Variants in GRHL2 observed in about 807,000 individuals in gnomAD.
The protein encoded by GRHL2 is grainyhead-like protein 2 homolog.
Under a neutral mutation model 83.8 loss-of-function variants are expected in GRHL2, and 21 were observed. The observed-to-expected ratio is 0.25, with a 90% CI of 0.18 to 0.36. The LOEUF (loss-of-function observed/expected upper bound fraction) is 0.36. Among genes scored for constraint, GRHL2 ranks in the 10% least tolerant of loss-of-function variants. The pLI is 1.00. For missense variants in GRHL2, 623 were observed against 781.8 expected (o/e 0.80, Z 2.42); for synonymous variants, 280 against 278.9 (o/e 1.00, Z -0.04).
chr8:101,644,125 T>G lies in GRHL2; in HGVS notation c.1518-6T>G. On this transcript the variant is annotated splice_region_variant and splice_polypyrimidine_tract_variant and intron_variant, in intron 12 of 15. Transcript: ENST00000646743. ...TTACTTAAGGATTTCTGCTTATCTT[T>G]TCTAGTGGCAGTGTCCTTGTTAAAC... 1.2e-6 allele frequency: 2 copies of G among 1,613,430 alleles called. No individual in the cohort carries two copies. Among genetic ancestry groups the G allele is most frequent in the East Asian group, 4.5e-5 (2 of 44,862 alleles).
At chr8:101,619,436 T>G in intron 8 of GRHL2, 103 bp from the exon 9 acceptor site, 1 of 927,870 alleles carries the variant, frequency 1.1e-6, no homozygotes, top group Non-Finnish European at 1.8e-6. Flanking sequence ...TCAGTTGTCT[T>G]TATGGGGTTG....
intron 12 of GRHL2, 60 bp downstream of exon 12, chr8:101,636,988 C>T: frequency 6.9e-7 from 1 of 1,448,228 alleles, no homozygotes; most frequent in Non-Finnish European, 9.7e-7. Context: ...GTGGTAATGG[C>T]TCTTCCAGCA....
chr8:101,652,369 GTCTGAT>G lies in GRHL2; in HGVS notation c.1698+2871_1698+2876del, dbSNP rs1194892978. On this transcript the variant is annotated intron_variant, in intron 14 of 15. Coordinates refer to ENST00000646743, the MANE Select transcript of GRHL2 (RefSeq NM_024915.4). The stretch of plus-strand genomic sequence containing the variant: ...TGTGTGGTGTGTGTGGTGTGTGTGT[GTCTGAT>G]GTGTGTGTGGTGTGTGTGTGTGTCT... 3.3e-3 allele frequency among the ~76,000 whole-genome samples: 209 copies of G among 63,418 alleles called. 1 individual carries two copies. Among genetic ancestry groups the G allele is most frequent in the Middle Eastern group, 0.018 (2 of 110 alleles). 41.6% of individuals were successfully genotyped at this position (63,418 alleles called of 152,430 possible). A position where few individuals can be genotyped will look rare whatever the true frequency, so the allele number is the denominator to read the frequency against.
chr8:101,503,253 T>G (rs563521463), intron 1 of GRHL2, among the ~76,000 whole-genome samples: 1 of 152,338 alleles, frequency 6.6e-6, no homozygotes, highest in South Asian at 2.1e-4. Context: ...TGTATACTTT[T>G]AAGAATATGT....
intron 1 of GRHL2, among the ~76,000 whole-genome samples, chr8:101,522,721 T>TTATACATATACATATATATATACA (rs1554582878): frequency 9.4e-5 from 14 of 149,612 alleles, no homozygotes; most frequent in African/African-American, 3.5e-4. Flanking sequence ...ACAAGTATGT[T>TTATACATATACATATATATATACA]TATACATATA....
chr8:101,672,635 A>G (rs1814228962), downstream of GRHL2, among the ~76,000 whole-genome samples: 2 of 150,722 alleles, frequency 1.3e-5, 1 homozygote, highest in South Asian at 4.2e-4. Flanking sequence ...ACTCTGCAGG[A>G]TATTATCCAG....
chr8:101,541,559 T>A (rs1456818798), intron 1 of GRHL2, among the ~76,000 whole-genome samples: 1 of 152,074 alleles, frequency 6.6e-6, no homozygotes, highest in East Asian at 1.9e-4. Flanking sequence ...TTTCTATTGA[T>A]TGATGTTGGT....
chr8:101,680,531 A>C, the GRHL2 span, among the ~76,000 whole-genome samples: 3 of 124,734 alleles, frequency 2.4e-5, no homozygotes, highest in Non-Finnish European at 3.3e-5. Context: ...ACAGAAAGTT[A>C]ACAAGGATAC....
At chr8:101,679,577 T>C in the GRHL2 span, among the ~76,000 whole-genome samples, 29 of 149,858 alleles carry the variant, frequency 1.9e-4, no homozygotes, top group Admixed American at 4.7e-4. Context: ...ACAGAGAACG[T>C]CACAAAGATA....
rs551364604 is a variant in GRHL2 at position 101,662,251 on chromosome 8, T to G, written c.1699-2203T>G. On this transcript the variant is annotated intron_variant, in intron 14 of 15. Transcript: ENST00000646743. ...CCACTGGATGTGTTGTTTTTCATCC[T>G]TGGCTCGTTTGGCTCAGGTGTGACT... 6.6e-5 allele frequency among the ~76,000 whole-genome samples: 10 copies of G among 152,360 alleles called. 1 individual carries two copies. The highest frequency in any genetic ancestry group is 2.6e-4 in the Admixed American group (4 of 15,302).
chr8:101,644,998 C>T (rs1008695348), intron 13 of GRHL2, among the ~76,000 whole-genome samples: 1 of 152,102 alleles, frequency 6.6e-6, no homozygotes, highest in African/African-American at 2.4e-5. Context: ...CAGGCATGCA[C>T]CACCATGTCT....
At chr8:101,604,039 A>G (rs1168080129) in intron 8 of GRHL2, among the ~76,000 whole-genome samples, 1 of 146,246 alleles carries the variant, frequency 6.8e-6, no homozygotes, top group Non-Finnish European at 1.5e-5. Context: ...AAAAAAAGCC[A>G]TAAAACAATG....
chr8:101,526,105 AATCT>A lies in GRHL2; in HGVS notation c.21-17133_21-17130del, dbSNP rs1810798149. Reference sequence around the variant, plus strand: ...GATTCTCACATCTGCCTCTTCATTCAATCTATTACAAAATGTTATTTTGGTTAGA... The same window carrying A: ...GATTCTCACATCTGCCTCTTCATTCAATTACAAAATGTTATTTTGGTTAGA... On this transcript the variant is annotated intron_variant, in intron 1 of 15. Transcript: ENST00000646743. 2.0e-5 allele frequency among the ~76,000 whole-genome samples: 3 copies of A among 152,232 alleles called. 1 individual carries two copies. The highest frequency in any genetic ancestry group is 7.2e-5 in the African/African-American group (3 of 41,456).
Position 101,631,736 on chromosome 8 carries a change from T to C in GRHL2, c.1345+12T>C. The C allele has an allele frequency of 6.2e-7, 1 of 1,604,192 alleles. No homozygotes were observed. The highest frequency in any genetic ancestry group is 1.3e-5 in the African/African-American group (1 of 74,832). On this transcript the variant is annotated intron_variant, in intron 10 of 15. Transcript: ENST00000646743. ...TCAATGCAACAGCTGTGAGTTTCAC[T>C]GAGACTAATGTTGCTTTCTAAAGAC...
chr8:101,578,665 C>T (rs1811983061), intron 7 of GRHL2, among the ~76,000 whole-genome samples: 3 of 152,222 alleles, frequency 2.0e-5, no homozygotes, highest in African/African-American at 4.8e-5. Context: ...TAAGATGCTT[C>T]AGTCCAAATG....
chr8:101,545,386 C>T (rs772854608), intron 2 of GRHL2, among the ~76,000 whole-genome samples: 30 of 132,808 alleles, frequency 2.3e-4, no homozygotes, highest in Admixed American at 9.4e-4. Flanking sequence ...TGCTTTAAGG[C>T]CTAAACTACA....
rs910649321 is a variant in GRHL2, at chr8:101,668,211, G to A, written c.*1508G>A. 3.3e-5 allele frequency: 5 copies of A among 152,610 alleles called. No homozygotes were observed. Among genetic ancestry groups the A allele is most frequent in the African/African-American group, 1.2e-4 (5 of 41,418 alleles). The allele number at this position is 152,610 out of a possible 1,614,324, so 9.5% of individuals were successfully genotyped here. A position where few individuals can be genotyped will look rare whatever the true frequency, so the allele number is the denominator to read the frequency against. On this transcript the variant is annotated 3_prime_UTR_variant, in exon 16 of 16. Transcript: ENST00000646743. ...GTTCTCTTTGAGGGGACAGGTTTAG[G>A]GGTTTGCGTTCGCCCTTGTGGGCTG...
chr8:101,592,409 A>G (rs1041478727), intron 7 of GRHL2, among the ~76,000 whole-genome samples: 19 of 151,948 alleles, frequency 1.3e-4, no homozygotes, highest in Admixed American at 6.6e-4. Context: ...GGCCAGATAT[A>G]GCACTTTCTA....
At chr8:101,561,690 T>A (rs1811611193) in intron 4 of GRHL2, among the ~76,000 whole-genome samples, 2 of 152,224 alleles carry the variant, frequency 1.3e-5, no homozygotes, top group Admixed American at 1.3e-4. Flanking sequence ...ATTTTTGCCA[T>A]TAGTTATTGT....
Sources: gnomAD v4.1 joint callset for allele counts (sites outside exome capture counted in the v4.1 genomes callset) on GRCh38, gnomAD v4.1.1 for gene constraint, MANE v1.5 for transcripts, NCBI Gene and HGNC (gene_info 2026-07-23, HGNC 2026-07-21) for gene names.